Variants in ALKAL2 observed in about 807,000 individuals in gnomAD.
ALKAL2 encodes the protein ALK and LTK ligand 2.
In ALKAL2, 8 loss-of-function variants were observed where a neutral mutation model predicts 18.5. The ratio of observed to expected loss-of-function variants is 0.43; its 90% CI spans 0.25 to 0.78. ALKAL2 has a LOEUF of 0.78. Among genes scored for constraint, ALKAL2 ranks in the 30% least tolerant of loss-of-function variants. The pLI, the probability that ALKAL2 is intolerant of heterozygous loss-of-function variation, is 0.22. For synonymous variants in ALKAL2, 135 were observed against 95.8 expected, an observed-to-expected ratio of 1.41 and a Z score of -2.39; for missense variants, 241 against 211.2, an observed-to-expected ratio of 1.14 and a Z score of -0.88.
Position 286,276 on chromosome 2 carries a change from A to C in ALKAL2, c.307+14T>G. ...GGAGCTCTGGGAGACGTGAGGAACG[A>C]GGAGAAAACTTACCTGTAAGGTGTT... On this transcript the variant is annotated intron_variant, in intron 3 of 5. Transcript: ENST00000403610. 6.2e-7 allele frequency: 1 copy of C among 1,611,742 alleles called. No homozygotes were observed. The highest frequency in any genetic ancestry group is 2.2e-5 in the East Asian group (1 of 44,882).
rs973762345 is a variant in ALKAL2 at position 287,704 on chromosome 2, G to C, written c.132C>G (p.Leu44=). 781 of 1,478,730 alleles carry C rather than the reference G, an allele frequency of 5.3e-4. 3 individuals are homozygous for C. Among genetic ancestry groups the C allele is most frequent in the Non-Finnish European group, 6.3e-4 (706 of 1,120,956 alleles). The allele number at this position is 1,478,730 out of a possible 1,614,324, so 91.6% of individuals were successfully genotyped here. A position where few individuals can be genotyped will look rare whatever the true frequency, so the allele number is the denominator to read the frequency against. Residue 44 remains leucine (L), a synonymous_variant, in exon 2 of 6, where the codon CTC becomes CTG. Coordinates refer to ENST00000403610, the MANE Select transcript of ALKAL2 (RefSeq NM_001002919.3). ...AGTGGTGCTTCCGCAGCTCCTGGAC[G>C]AGTTCCACCACCAGCCGCAGCAGCG... ...GQALLRLVVE[L]VQELRKHHSA...
At chr2:283,055 C>T (rs1176616464) in intron 5 of ALKAL2, 56 bp downstream of exon 5, 2 of 1,531,606 alleles carry the variant, frequency 1.3e-6, no homozygotes, top group African/African-American at 1.4e-5. Context: ...TTTTCATGTC[C>T]CAAGCGGGAT....
At position 284,727 on chromosome 2, in the gene ALKAL2, C is replaced by T. The variant is rs376524337; in HGVS notation, c.388+1396G>A. On this transcript the variant is annotated intron_variant, in intron 4 of 5. Coordinates refer to ENST00000403610, the MANE Select transcript of ALKAL2 (RefSeq NM_001002919.3). ...CTTTAGCTTTGCTGATATCTGACAG[C>T]ACAAAAGCAATTCCTCATCCATAAA... is the stretch of plus-strand genomic sequence containing the variant. 1.2e-4 allele frequency among the ~76,000 whole-genome samples: 18 copies of T among 152,154 alleles called. No individual in the cohort carries two copies. The East Asian group carries it at 1.3e-3, about 11-fold the overall frequency.
rs1294670223 is a variant in ALKAL2, at chr2:287,601, A to C, written c.235T>G (p.Ser79Ala). The part of the protein sequence containing the change: ...GRAEAAGLGP[S>A]PEQRVEIVPR... Reference sequence around the variant, plus strand: ...CACTCACCCACTCGCTGCTCCGGCGAAGGCCCCAGCCCCGCCGCCTCCGCG... The same window carrying C: ...CACTCACCCACTCGCTGCTCCGGCGCAGGCCCCAGCCCCGCCGCCTCCGCG... Residue 79 changes from serine to alanine, a missense_variant, in exon 2 of 6, where the codon TCG (serine) becomes GCG (alanine). Physicochemically the swap from Ser to Ala is moderately conservative, Grantham distance 99. Coordinates refer to ENST00000403610, the MANE Select transcript of ALKAL2 (RefSeq NM_001002919.3). 6.8e-7 allele frequency: 1 copy of C among 1,467,220 alleles called. No homozygotes were observed. The allele number at this position is 1,467,220 out of a possible 1,614,324, so 90.9% of individuals were successfully genotyped here. A position where few individuals can be genotyped will look rare whatever the true frequency, so the allele number is the denominator to read the frequency against.
At chr2:280,191 ACTT>A (rs1212445884) in intron 5 of ALKAL2, 39 bp from the exon 6 acceptor site, 7 of 1,613,322 alleles carry the variant, frequency 4.3e-6, no homozygotes, top group Middle Eastern at 3.3e-4. Flanking sequence ...GACTATCCAC[ACTT>A]CTTAATGTCA....
In ALKAL2 at chr2:280,259, G is replaced by A. The variant is rs1670296917; in HGVS notation, c.454-107C>T. 2.4e-6 allele frequency: 3 copies of A among 1,269,620 alleles called. No individual in the cohort carries two copies. The African/African-American group carries it at 4.4e-5, about 19-fold the overall frequency. The allele number at this position is 1,269,620 out of a possible 1,614,324, so 78.6% of individuals were successfully genotyped here. Reference sequence around the variant, plus strand: ...GGACACAACATGTTTATAAACATAGGCAGTCTCAGAGTGCATCTGTATTTC... The same window carrying A: ...GGACACAACATGTTTATAAACATAGACAGTCTCAGAGTGCATCTGTATTTC... On this transcript the variant is annotated intron_variant, in intron 5 of 5. Transcript: ENST00000403610.
Position 287,852 on chromosome 2 carries a change from C to T in ALKAL2, c.-17G>A, listed in dbSNP as rs1181218363. 7.0e-6 allele frequency: 9 copies of T among 1,294,880 alleles called. No individual in the cohort carries two copies. Among genetic ancestry groups the T allele is most frequent in the Non-Finnish European group, 1.9e-6 (2 of 1,029,724 alleles). 80.2% of individuals were successfully genotyped at this position (1,294,880 alleles called of 1,614,324 possible). ...TCCGCGCATCGTGCGCTCGGGGCCG[C>T]GGGGCTGGGAGACTCCGACACGCGC... On this transcript the variant is annotated 5_prime_UTR_variant, in exon 2 of 6. Transcript: ENST00000403610.
chr2:283,534 CAT>C, intron 4 of ALKAL2: 2 of 985,446 alleles, frequency 2.0e-6, no homozygotes, highest in Non-Finnish European at 2.4e-6. Context: ...ACTTTCAGGT[CAT>C]GTGCAGGCTG....
Position 279,801 on chromosome 2 carries a change from C to A in ALKAL2, c.*346G>T. On this transcript the variant is annotated 3_prime_UTR_variant, in exon 6 of 6. Transcript: ENST00000403610. Reference sequence around the variant, plus strand: ...TCAAATTATGTTATATGAAAATATACTTTAAGATTCTGCTTATGTTTCTAA... The same window carrying A: ...TCAAATTATGTTATATGAAAATATAATTTAAGATTCTGCTTATGTTTCTAA... The A allele has an allele frequency of 4.0e-6, 1 of 251,072 alleles. No individual in the cohort carries two copies. Among genetic ancestry groups the A allele is most frequent in the East Asian group, 7.4e-5 (1 of 13,556 alleles). The allele number at this position is 251,072 out of a possible 1,614,324, so 15.6% of individuals were successfully genotyped here. A position where few individuals can be genotyped will look rare whatever the true frequency, so the allele number is the denominator to read the frequency against.
chr2:286,630 A>T (rs151168496), intron 2 of ALKAL2: 66 of 318,388 alleles, frequency 2.1e-4, no homozygotes, highest in African/African-American at 1.3e-3. Flanking sequence ...CAGAGGTAAG[A>T]AAACTGTTTT....
chr2:287,917 C>G (rs974176759), intron 1 of ALKAL2, 25 bp from the exon 2 acceptor site: 1 of 1,238,124 alleles, frequency 8.1e-7, no homozygotes, highest in Non-Finnish European at 1.0e-6. Flanking sequence ...GCGCGGGGGG[C>G]CGGAGAGAAA....
rs1670415705 is a variant in ALKAL2, at chr2:283,454, T to C, written c.389-279A>G. 5 of 985,462 alleles carry C rather than the reference T, an allele frequency of 5.1e-6. No individual in the cohort carries two copies. The South Asian group carries it at 1.9e-4, about 37-fold the overall frequency. The allele number at this position is 985,462 out of a possible 1,614,324, so 61.0% of individuals were successfully genotyped here. On this transcript the variant is annotated intron_variant, in intron 4 of 5. Transcript: ENST00000403610. ...ACGAAGGCTGCATGGCTGAGCTGGC[T>C]GCCCATTGCTTCTCTCAGAAATAAC...
At chr2:285,277 T>G (rs936175093) in intron 4 of ALKAL2, among the ~76,000 whole-genome samples, 1 of 152,166 alleles carries the variant, frequency 6.6e-6, no homozygotes, top group Non-Finnish European at 1.5e-5. Context: ...CACTTATACT[T>G]CGTGTACATT....
intron 1 of ALKAL2, 44 bp from the exon 2 acceptor site, chr2:287,936 G>A: frequency 8.1e-7 from 1 of 1,237,404 alleles, no homozygotes; most frequent in Non-Finnish European, 1.0e-6. Flanking sequence ...AAGTCAGCGG[G>A]GGAGGGGGAC....
In ALKAL2 at chr2:287,388, G is replaced by C. The variant is rs1670551278; in HGVS notation, c.253+195C>G. ...CCGCAGCTCACGCGCGCCAGAAGGAGACCAGGCGCTTCTCCGCCAGGCCTC... is the reference window on the plus strand; with the variant it reads ...CCGCAGCTCACGCGCGCCAGAAGGACACCAGGCGCTTCTCCGCCAGGCCTC... On this transcript the variant is annotated intron_variant, in intron 2 of 5. Transcript: ENST00000403610. The C allele has an allele frequency of 6.9e-6, 3 of 432,522 alleles. No individual in the cohort carries two copies. In the East Asian group the frequency reaches 1.1e-4, roughly 16 times the overall value. 26.8% of individuals were successfully genotyped at this position (432,522 alleles called of 1,614,324 possible). A position where few individuals can be genotyped will look rare whatever the true frequency, so the allele number is the denominator to read the frequency against.
Position 287,685 on chromosome 2 carries a change from G to A in ALKAL2, c.151C>T (p.His51Tyr). ...AGGCCCTTGTGCTCCGCCGAGTGGT[G>A]CTTCCGCAGCTCCTGGACGAGTTCC... ...VVELVQELRKHHSAEHKGLQL... is the reference protein window; with the variant it reads ...VVELVQELRKYHSAEHKGLQL... Residue 51 changes from histidine (H) to tyrosine (Y), a missense_variant, in exon 2 of 6, where the codon CAC (histidine) becomes TAC (tyrosine). By Grantham distance (83) the His-to-Tyr change is moderately conservative. Transcript: ENST00000403610. 1.3e-6 allele frequency: 2 copies of A among 1,482,408 alleles called. No homozygotes were observed. Among genetic ancestry groups the A allele is most frequent in the Non-Finnish European group, 1.8e-6 (2 of 1,122,938 alleles). 91.8% of individuals were successfully genotyped at this position (1,482,408 alleles called of 1,614,324 possible).
rs1325700413 is a variant in ALKAL2 at position 287,601 on chromosome 2, A to AAGGCCCCAGCCCCGCCGC, written c.217_234dup (p.Ala73_Pro78dup). The stretch of plus-strand genomic sequence containing the variant: ...CACTCACCCACTCGCTGCTCCGGCG[A>AAGGCCCCAGCCCCGCCGC]AGGCCCCAGCCCCGCCGCCTCCGCG... On this transcript the variant is annotated inframe_insertion, in exon 2 of 6. Coordinates refer to ENST00000403610, the MANE Select transcript of ALKAL2 (RefSeq NM_001002919.3). 11 of 1,467,112 alleles carry AAGGCCCCAGCCCCGCCGC rather than the reference A, an allele frequency of 7.5e-6. No homozygotes were observed. The highest frequency in any genetic ancestry group is 5.9e-5 in the African/African-American group (4 of 67,858). 90.9% of individuals were successfully genotyped at this position (1,467,112 alleles called of 1,614,324 possible). A position where few individuals can be genotyped will look rare whatever the true frequency, so the allele number is the denominator to read the frequency against.
chr2:283,223 T>C, intron 4 of ALKAL2, 48 bp from the exon 5 acceptor site: 1 of 1,463,924 alleles, frequency 6.8e-7, no homozygotes, highest in South Asian at 1.2e-5. Context: ...AAAAAACAAA[T>C]AAATCGCATT....
chr2:282,549 C>T (rs1670387693), intron 5 of ALKAL2, among the ~76,000 whole-genome samples: 2 of 152,060 alleles, frequency 1.3e-5, no homozygotes, highest in Admixed American at 1.3e-4. Context: ...TTAAATGTTG[C>T]ATATCAGCCC....
Sources: allele counts gnomAD v4.1 joint callset (sites outside exome capture counted in the v4.1 genomes callset), GRCh38; gene constraint gnomAD v4.1.1; transcripts MANE v1.5; gene names NCBI Gene and HGNC (gene_info 2026-07-23, HGNC 2026-07-21).